UBE2L3: variants seen among roughly 807,000 people sequenced by gnomAD.
UBE2L3 encodes the protein ubiquitin-conjugating enzyme E2 L3.
A neutral mutation model predicts 17.8 loss-of-function variants in UBE2L3; 1 was observed. That is an observed-to-expected ratio of 0.06 (90% CI 0.02 to 0.27). The LOEUF (loss-of-function observed/expected upper bound fraction) is 0.27, where lower values mean the gene tolerates loss of function less well. Among genes scored for constraint, UBE2L3 ranks in the 10% least tolerant of loss-of-function variants. The probability of loss-of-function intolerance (pLI) is 1.00; values close to 1 mark genes in which losing one functional copy is unlikely to be tolerated. For synonymous variants in UBE2L3, 44 were observed against 68.5 expected, an observed-to-expected ratio of 0.64 and a Z score of 1.76; for missense variants, 40 against 192.6, an observed-to-expected ratio of 0.21 and a Z score of 4.69.
intron 1 of UBE2L3, among the ~76,000 whole-genome samples, chr22:21,570,952 A>G (rs1178222715): frequency 6.6e-6 from 1 of 152,202 alleles, no homozygotes; most frequent in Non-Finnish European, 1.5e-5. Flanking sequence ...GTAACAATGG[A>G]CTGTCTGCAG....
intron 1 of UBE2L3, among the ~76,000 whole-genome samples, chr22:21,557,202 A>T (rs1035925472): frequency 2.6e-5 from 4 of 152,338 alleles, no homozygotes; most frequent in Non-Finnish European, 5.9e-5. Context: ...GCATCTCTAT[A>T]AAAAAATTAC....
chr22:21,619,614 T>G (rs1929953183), intron 3 of UBE2L3, among the ~76,000 whole-genome samples: 1 of 152,244 alleles, frequency 6.6e-6, no homozygotes, highest in Admixed American at 6.5e-5. Flanking sequence ...AGGAGTACTT[T>G]GTGCTGTGGC....
At chr22:21,588,463 CTT>C (rs1255043408) in intron 1 of UBE2L3, among the ~76,000 whole-genome samples, 4 of 103,326 alleles carry the variant, frequency 3.9e-5, no homozygotes, top group Non-Finnish European at 7.8e-5. Flanking sequence ...TTTCTTCTTT[CTT>C]TTTTTTTTTT....
Position 21,583,923 on chromosome 22 carries a change from G to A in UBE2L3, c.28-8938G>A, listed in dbSNP as rs143005296. 3.2e-3 allele frequency among the ~76,000 whole-genome samples: 487 copies of A among 152,120 alleles called. 1 individual carries two copies. Among genetic ancestry groups the A allele is most frequent in the Non-Finnish European group, 5.2e-3 (352 of 68,010 alleles). ...TGGAGTTTCACTCGTTGCCCAGGCC[G>A]GAGTTCAATGGAGCGATCTTGGCTC... On this transcript the variant is annotated intron_variant, in intron 1 of 3. Transcript: ENST00000342192.
At chr22:21,573,122 ACTC>A (rs1927077267) in intron 1 of UBE2L3, among the ~76,000 whole-genome samples, 2 of 151,838 alleles carry the variant, frequency 1.3e-5, no homozygotes, top group African/African-American at 2.4e-5. Flanking sequence ...GTCCCACACT[ACTC>A]CTAACCAGCA....
chr22:21,603,953 C>T (rs1278691444), intron 2 of UBE2L3, among the ~76,000 whole-genome samples: 2 of 144,948 alleles, frequency 1.4e-5, no homozygotes, highest in Admixed American at 7.0e-5. Flanking sequence ...TCACTCTTGC[C>T]GAGGCTGGAA....
At chr22:21,558,754 G>A (rs1287367154) in intron 1 of UBE2L3, among the ~76,000 whole-genome samples, 2 of 152,136 alleles carry the variant, frequency 1.3e-5, no homozygotes, top group African/African-American at 2.4e-5. Context: ...CCTCCCAGAG[G>A]GCTGGGATTA....
rs904532030 is a variant in UBE2L3 at position 21,568,159 on chromosome 22, C to A, written c.27+388C>A. 3 of 1,013,436 alleles carry A rather than the reference C, an allele frequency of 3.0e-6. No individual in the cohort carries two copies. In the African/African-American group the frequency reaches 5.1e-5, roughly 17 times the overall value. 62.8% of individuals were successfully genotyped at this position (1,013,436 alleles called of 1,614,324 possible). ...AAGGCCCGAGCGCCGGAGCCCCTGC[C>A]CGGAGCCCGCGCCGCGGAACCGCCC... On this transcript the variant is annotated intron_variant, in intron 1 of 3. Transcript: ENST00000342192.
chr22:21,611,993 A>G (rs568273699), intron 3 of UBE2L3, among the ~76,000 whole-genome samples: 39 of 152,274 alleles, frequency 2.6e-4, no homozygotes, highest in African/African-American at 9.4e-4. Context: ...GGTGCACGCA[A>G]AGTATGGCTG....
At chr22:21,619,115 C>T (rs570292864) in intron 3 of UBE2L3, among the ~76,000 whole-genome samples, 2 of 152,266 alleles carry the variant, frequency 1.3e-5, no homozygotes, top group East Asian at 3.9e-4. Context: ...GCGACTGTGG[C>T]TCAATTTCCA....
intron 1 of UBE2L3, among the ~76,000 whole-genome samples, chr22:21,581,880 G>A (rs1927657809): frequency 6.6e-6 from 1 of 151,854 alleles, no homozygotes; most frequent in Non-Finnish European, 1.5e-5. Flanking sequence ...GGGAGGCTGA[G>A]GCAGGTGGAT....
chr22:21,602,172 T>TGCTGTG (rs1289993745), intron 2 of UBE2L3, among the ~76,000 whole-genome samples: 7 of 152,136 alleles, frequency 4.6e-5, no homozygotes, highest in Non-Finnish European at 1.0e-4. Context: ...GAAAGGATGC[T>TGCTGTG]GCTGTGGAGT....
At chr22:21,563,241 CAAAAA>C (rs34642040), upstream of UBE2L3, among the ~76,000 whole-genome samples, 1 of 54,400 alleles carries the variant, frequency 1.8e-5, no homozygotes. Context: ...GACTCCGTCT[CAAAAA>C]AAAAAAAAAA....
At chr22:21,567,330 A>AT (rs1322465213), upstream of UBE2L3, among the ~76,000 whole-genome samples, 1 of 151,992 alleles carries the variant, frequency 6.6e-6, no homozygotes, top group Admixed American at 6.6e-5. Context: ...CGCCTGGCTA[A>AT]TTTTTTGTAT....
intron 2 of UBE2L3, among the ~76,000 whole-genome samples, chr22:21,596,893 G>A (rs1430309518): frequency 1.3e-5 from 2 of 152,046 alleles, no homozygotes; most frequent in African/African-American, 4.8e-5. Flanking sequence ...ATTCTAGTTG[G>A]TATGTAGTGC....
upstream of UBE2L3, among the ~76,000 whole-genome samples, chr22:21,565,382 A>G (rs140488): frequency 0.22 from 33,172 of 151,270 alleles, 4,382 homozygotes; most frequent in East Asian, 0.51. Flanking sequence ...GTGAACCACC[A>G]CACCCGGCCC....
At position 21,616,521 on chromosome 22, in the gene UBE2L3, G is replaced by A. The variant is rs4821114; in HGVS notation, c.311-4994G>A. Among the ~76,000 whole-genome samples, 20 of 151,770 alleles carry A rather than the reference G, an allele frequency of 1.3e-4. No individual in the cohort carries two copies. In the East Asian group the frequency reaches 3.7e-3, roughly 28 times the overall value. On this transcript the variant is annotated intron_variant, in intron 3 of 3. Transcript: ENST00000342192. ...AAAAAAATTAGCTGGGCACGGTGGC[G>A]TGCACCTGTAGTCCCAGCTACTCAG...
intron 1 of UBE2L3, among the ~76,000 whole-genome samples, chr22:21,578,989 AT>A (rs1927476904): frequency 6.6e-6 from 1 of 150,832 alleles, no homozygotes; most frequent in African/African-American, 2.4e-5. Context: ...TTATTTATTT[AT>A]TTATTTATTT....
intron 1 of UBE2L3, among the ~76,000 whole-genome samples, chr22:21,574,396 G>A (rs1395714851): frequency 6.6e-6 from 1 of 152,190 alleles, no homozygotes; most frequent in Non-Finnish European, 1.5e-5. Flanking sequence ...CTGCTTAGAA[G>A]AGTGCCTGGC....
Sources: gnomAD v4.1 joint callset for allele counts (sites outside exome capture counted in the v4.1 genomes callset) on GRCh38, gnomAD v4.1.1 for gene constraint, MANE v1.5 for transcripts, NCBI Gene and HGNC (gene_info 2026-07-23, HGNC 2026-07-21) for gene names.